ZNF696: variants seen among roughly 807,000 people sequenced by gnomAD.
ZNF696 encodes zinc finger protein 696.
Under a neutral mutation model 12.3 loss-of-function variants are expected in ZNF696, and 10 were observed. That is an observed-to-expected ratio of 0.81 (90% confidence interval 0.50 to 1.38). The LOEUF is 1.38. Ranked by LOEUF, ZNF696 falls within the 40% of genes most tolerant of loss-of-function variation. The pLI, the probability that ZNF696 is intolerant of heterozygous loss-of-function variation, is 0.00. For missense variants in ZNF696, 675 were observed against 554.7 expected (o/e 1.22, Z -2.18); for synonymous variants, 304 against 243.9 (o/e 1.25, Z -2.29).
At chr8:143,294,972 G>A (rs1032014795) in intron 2 of ZNF696, among the ~76,000 whole-genome samples, 32 of 152,224 alleles carry the variant, frequency 2.1e-4, no homozygotes, top group Non-Finnish European at 4.0e-4. Flanking sequence ...ACCTGGAGGT[G>A]CGCCACCTAC....
At position 143,299,120 on chromosome 8, in the gene ZNF696, T is replaced by C. The variant is rs992347166; in HGVS notation, c.*2320T>C. Among the ~76,000 whole-genome samples the C allele has an allele frequency of 3.9e-5, 6 of 152,120 alleles. No homozygotes were observed. Among genetic ancestry groups the C allele is most frequent in the Middle Eastern group, 3.4e-3 (1 of 294 alleles). On this transcript the variant is annotated 3_prime_UTR_variant, in exon 3 of 3. Coordinates refer to ENST00000330143, the MANE Select transcript of ZNF696 (RefSeq NM_030895.3). ...GATGCAGTGAGCCGAGATCACGCCA[T>C]TGCACTCCAGCCTGGGCAAAAAGAG...
chr8:143,291,850 A>G (rs929297128), intron 1 of ZNF696, 83 bp downstream of exon 1: 7 of 952,870 alleles, frequency 7.3e-6, no homozygotes, highest in Non-Finnish European at 8.7e-6. Context: ...GGGTCTCGCT[A>G]TGTTTCCCAG....
rs1374028135 is a variant in ZNF696 at position 143,296,394 on chromosome 8, GC to G, written c.720del (p.Glu241SerfsTer120). On this transcript the variant is annotated frameshift_variant, in exon 3 of 3. Coordinates refer to ENST00000330143, the MANE Select transcript of ZNF696 (RefSeq NM_030895.3). LOFTEE classifies it high-confidence loss of function. Reference protein sequence around the residue: ...THTGERLYACGECGKRFLHSS... With the variant: ...THTGERLYACXECGKRFLHSS... ...ACCGGGGAGAGGCTGTACGCGTGCG[GC>G]GAGTGCGGGAAGCGCTTCCTGCACA... is the stretch of plus-strand genomic sequence containing the variant. 1 of 1,595,256 alleles carries G rather than the reference GC, an allele frequency of 6.3e-7. No homozygotes were observed. Among genetic ancestry groups the G allele is most frequent in the East Asian group, 2.2e-5 (1 of 44,492 alleles).
At position 143,295,731 on chromosome 8, in the gene ZNF696, C is replaced by G; in HGVS notation, c.65-9C>G. The G allele has an allele frequency of 1.3e-6, 2 of 1,571,240 alleles. No homozygotes were observed. The highest frequency in any genetic ancestry group is 2.7e-5 in the African/African-American group (2 of 73,552). On this transcript the variant is annotated splice_polypyrimidine_tract_variant and intron_variant, in intron 2 of 2. Coordinates refer to ENST00000330143, the MANE Select transcript of ZNF696 (RefSeq NM_030895.3). ...ATCTAAAATCGTTCCTGTCTGGCCT[C>G]TTTTTCAGCTGTGAAGGCTGCTTTC...
chr8:143,291,442 G>A lies in ZNF696; in HGVS notation c.-356G>A, dbSNP rs1815621838. ...GTAGCGGGTGCAGTCCAGCTGCTCTGGACGCTGAGGCCCCGGCTTCTCTTG... is the reference window on the plus strand; with the variant it reads ...GTAGCGGGTGCAGTCCAGCTGCTCTAGACGCTGAGGCCCCGGCTTCTCTTG... On this transcript the variant is annotated 5_prime_UTR_variant, in exon 1 of 3. Transcript: ENST00000330143. The A allele has an allele frequency of 1.0e-6, 1 of 985,616 alleles. No individual in the cohort carries two copies. The highest frequency in any genetic ancestry group is 1.2e-6 in the Non-Finnish European group (1 of 830,020). The allele number at this position is 985,616 out of a possible 1,614,324, so 61.1% of individuals were successfully genotyped here.
Position 143,296,149 on chromosome 8 carries a change from C to T in ZNF696, c.474C>T (p.Cys158=). 6.2e-7 allele frequency: 1 copy of T among 1,609,104 alleles called. No homozygotes were observed. ...SGEKPYECSD[C]GKAFIHSSHV... is the part of the protein sequence containing the mutation. ...AGAAACCGTACGAGTGCAGCGACTG[C>T]GGGAAGGCCTTCATCCACAGCTCGC... Residue 158 remains cysteine, a synonymous_variant, in exon 3 of 3, where the codon TGC becomes TGT. Coordinates refer to ENST00000330143, the MANE Select transcript of ZNF696 (RefSeq NM_030895.3).
In ZNF696 at chr8:143,296,123, G is replaced by T; in HGVS notation, c.448G>T (p.Glu150Ter). Reference protein sequence around the residue: ...AAKHRSIHSGEKPYECSDCGK... With the variant: ...AAKHRSIHSG ...AAAGCACCGGAGCATCCACTCGGGGGAGAAACCGTACGAGTGCAGCGACTG... is the reference window on the plus strand; with the variant it reads ...AAAGCACCGGAGCATCCACTCGGGGTAGAAACCGTACGAGTGCAGCGACTG... The change falls in exon 3 of 3, where the codon GAG (glutamate) becomes TAG (stop). Residue 150 changes from glutamate to a stop codon, truncating the protein, a stop_gained. Coordinates refer to ENST00000330143, the MANE Select transcript of ZNF696 (RefSeq NM_030895.3). LOFTEE classifies it high-confidence loss of function. The T allele has an allele frequency of 6.2e-7, 1 of 1,609,904 alleles. No homozygotes were observed. Among genetic ancestry groups the T allele is most frequent in the Non-Finnish European group, 8.5e-7 (1 of 1,178,626 alleles).
In ZNF696 at chr8:143,296,163, T is replaced by C; in HGVS notation, c.488T>C (p.Ile163Thr). The C allele has an allele frequency of 6.2e-7, 1 of 1,608,230 alleles. No homozygotes were observed. Among genetic ancestry groups the C allele is most frequent in the Non-Finnish European group, 8.5e-7 (1 of 1,178,598 alleles). The change falls in exon 3 of 3, where the codon ATC becomes ACC. Residue 163 changes from isoleucine (I) to threonine (T), a missense_variant. Coordinates refer to ENST00000330143, the MANE Select transcript of ZNF696 (RefSeq NM_030895.3). Reference protein sequence around the residue: ...YECSDCGKAFIHSSHVVRHQR... With the variant: ...YECSDCGKAFTHSSHVVRHQR... ...TGCAGCGACTGCGGGAAGGCCTTCATCCACAGCTCGCACGTGGTCCGGCAC... is the reference window on the plus strand; with the variant it reads ...TGCAGCGACTGCGGGAAGGCCTTCACCCACAGCTCGCACGTGGTCCGGCAC...
intron 2 of ZNF696, 163 bp downstream of exon 2, chr8:143,293,228 C>T: frequency 1.6e-6 from 1 of 620,762 alleles, no homozygotes; most frequent in South Asian, 2.0e-5. Flanking sequence ...ATCTCCTGGG[C>T]ATCTGTTTGG....
intron 2 of ZNF696, among the ~76,000 whole-genome samples, chr8:143,295,164 A>G (rs7388474): frequency 0.44 from 66,815 of 151,616 alleles, 15,968 homozygotes; most frequent in East Asian, 0.69. Flanking sequence ...GCCTCCTGCT[A>G]CATCTGCCTC....
chr8:143,291,596 G>A lies in ZNF696; in HGVS notation c.-202G>A. ...AGCCGCTCTCGGGCGCGGCGTGGGGGAGGCGGCCCTGCAGGTGCGTACCCG... is the reference window on the plus strand; with the variant it reads ...AGCCGCTCTCGGGCGCGGCGTGGGGAAGGCGGCCCTGCAGGTGCGTACCCG... On this transcript the variant is annotated 5_prime_UTR_variant, in exon 1 of 3. Coordinates refer to ENST00000330143, the MANE Select transcript of ZNF696 (RefSeq NM_030895.3). The A allele has an allele frequency of 3.0e-6, 3 of 985,476 alleles. No individual in the cohort carries two copies. The highest frequency in any genetic ancestry group is 3.6e-6 in the Non-Finnish European group (3 of 829,946). The allele number at this position is 985,476 out of a possible 1,614,324, so 61.0% of individuals were successfully genotyped here. A position where few individuals can be genotyped will look rare whatever the true frequency, so the allele number is the denominator to read the frequency against.
chr8:143,298,711 G>T lies in ZNF696; in HGVS notation c.*1911G>T, dbSNP rs1012288747. 6.6e-6 allele frequency among the ~76,000 whole-genome samples: 1 copy of T among 152,234 alleles called. No individual in the cohort carries two copies. Among genetic ancestry groups the T allele is most frequent in the African/African-American group, 2.4e-5 (1 of 41,452 alleles). On this transcript the variant is annotated 3_prime_UTR_variant, in exon 3 of 3. Transcript: ENST00000330143. ...TCGCGCAGTCAGTGATGAGAAAGCT[G>T]TAGGGTACATACTGTCACGCATGAA...
In ZNF696 at chr8:143,298,812, A is replaced by G. The variant is rs1815759426; in HGVS notation, c.*2012A>G. Among the ~76,000 whole-genome samples, 1 of 152,128 alleles carries G rather than the reference A, an allele frequency of 6.6e-6. No individual in the cohort carries two copies. The highest frequency in any genetic ancestry group is 2.4e-5 in the African/African-American group (1 of 41,420). ...AGTGGTTCATGCCTATAATCCCAAC[A>G]CTTTGGGAGGCCTAAGGGGGAGGAT... On this transcript the variant is annotated 3_prime_UTR_variant, in exon 3 of 3. Transcript: ENST00000330143.
chr8:143,294,068 G>A (rs1815668053), intron 2 of ZNF696, among the ~76,000 whole-genome samples: 1 of 152,318 alleles, frequency 6.6e-6, no homozygotes, highest in South Asian at 2.1e-4. Context: ...CTCAGTTGCT[G>A]TGCTGGCCTC....
Position 143,296,729 on chromosome 8 carries a change from A to C in ZNF696, c.1054A>C (p.Thr352Pro). The C allele has an allele frequency of 6.6e-7, 1 of 1,526,004 alleles. No homozygotes were observed. Among genetic ancestry groups the C allele is most frequent in the Middle Eastern group, 1.7e-4 (1 of 5,860 alleles). The allele number at this position is 1,526,004 out of a possible 1,614,324, so 94.5% of individuals were successfully genotyped here. A position where few individuals can be genotyped will look rare whatever the true frequency, so the allele number is the denominator to read the frequency against. ...LHTGEKPFRC[T>P]ECGRAFRLSF... ...CACGGGCGAGAAGCCGTTCCGCTGC[A>C]CCGAGTGCGGCCGCGCCTTCCGCCT... Residue 352 changes from threonine (T) to proline (P), a missense_variant, in exon 3 of 3, where the codon ACC becomes CCC. Thr to Pro is a conservative substitution (Grantham distance 38). Coordinates refer to ENST00000330143, the MANE Select transcript of ZNF696 (RefSeq NM_030895.3).
chr8:143,291,579 T>C lies in ZNF696; in HGVS notation c.-219T>C. ...CTTGCAGTGCAGGCCCCAGCCGCTC[T>C]CGGGCGCGGCGTGGGGGAGGCGGCC... On this transcript the variant is annotated 5_prime_UTR_variant, in exon 1 of 3. Transcript: ENST00000330143. The C allele has an allele frequency of 1.0e-6, 1 of 984,268 alleles. No individual in the cohort carries two copies. Among genetic ancestry groups the C allele is most frequent in the Non-Finnish European group, 1.2e-6 (1 of 828,914 alleles). The allele number at this position is 984,268 out of a possible 1,614,324, so 61.0% of individuals were successfully genotyped here.
rs556602892 is a variant in ZNF696, at chr8:143,298,852, A to C, written c.*2052A>C. Among the ~76,000 whole-genome samples the C allele has an allele frequency of 1.6e-4, 24 of 152,270 alleles. No homozygotes were observed. The highest frequency in any genetic ancestry group is 5.5e-4 in the African/African-American group (23 of 41,542). ...AGGGGGAGGATCACTTGAGCCTAGGAGTTCAAGACCAGCCTAGGCAACATA... is the reference window on the plus strand; with the variant it reads ...AGGGGGAGGATCACTTGAGCCTAGGCGTTCAAGACCAGCCTAGGCAACATA... On this transcript the variant is annotated 3_prime_UTR_variant, in exon 3 of 3. Transcript: ENST00000330143.
Position 143,291,496 on chromosome 8 carries a change from G to A in ZNF696, c.-302G>A, listed in dbSNP as rs1815623468. On this transcript the variant is annotated 5_prime_UTR_variant, in exon 1 of 3. Transcript: ENST00000330143. ...GGGTGTCGATTCGGGAGGGCTGAGGGCGCGGCCGAGAGAACGGGGCGGTCA... is the reference window on the plus strand; with the variant it reads ...GGGTGTCGATTCGGGAGGGCTGAGGACGCGGCCGAGAGAACGGGGCGGTCA... 1.1e-5 allele frequency: 11 copies of A among 985,364 alleles called. No individual in the cohort carries two copies. Among genetic ancestry groups the A allele is most frequent in the Non-Finnish European group, 1.3e-5 (11 of 829,944 alleles). The allele number at this position is 985,364 out of a possible 1,614,324, so 61.0% of individuals were successfully genotyped here. A position where few individuals can be genotyped will look rare whatever the true frequency, so the allele number is the denominator to read the frequency against.
At chr8:143,295,703 T>TA (rs1563744451) in intron 2 of ZNF696, 37 bp from the exon 3 acceptor site, 2 of 1,511,498 alleles carry the variant, frequency 1.3e-6, no homozygotes, top group South Asian at 1.3e-5. Context: ...CACGTTCTCT[T>TA]ACATCTAAAA....
Sources: allele counts gnomAD v4.1 joint callset (sites outside exome capture counted in the v4.1 genomes callset), GRCh38; gene constraint gnomAD v4.1.1; transcripts MANE v1.5; gene names NCBI Gene and HGNC (gene_info 2026-07-23, HGNC 2026-07-21).